The following KMT2A variants were observed in gnomAD, a reference collection of about 807,000 sequenced individuals.
KMT2A encodes histone-lysine N-methyltransferase 2A.
KMT2A carries 16 observed loss-of-function variants against 345.3 expected under a neutral mutation model. The observed-to-expected ratio is 0.05, with a 90% confidence interval of 0.03 to 0.07. The LOEUF is 0.07. Among genes scored for constraint, KMT2A ranks in the 10% least tolerant of loss-of-function variants. The probability of loss-of-function intolerance (pLI) is 1.00; values close to 1 mark genes in which losing one functional copy is unlikely to be tolerated. For synonymous variants in KMT2A, 1,599 were observed against 1,778.6 expected, an observed-to-expected ratio of 0.90 and a Z score of 2.54; for missense variants, 3,272 against 4,841.6, an observed-to-expected ratio of 0.68 and a Z score of 9.62.
chr11:118,511,887 T>C, intron 30 of KMT2A, 64 bp from the exon 31 acceptor site: 5 of 1,214,674 alleles, frequency 4.1e-6, no homozygotes, highest in East Asian at 2.3e-5. Flanking sequence ...GTGCACATCA[T>C]TGGTATTAAG....
intron 1 of KMT2A, chr11:118,447,843 G>T: frequency 4.0e-6 from 1 of 250,560 alleles, no homozygotes; most frequent in Non-Finnish European, 8.2e-6. Context: ...AGAGAAAATA[G>T]GTTTAAACCG....
Position 118,502,270 on chromosome 11 carries a change from T to C in KMT2A, c.6506-128T>C, listed in dbSNP as rs1385816591. ...ACTGTCTCAAAAAAGTAATAATAAATAAATAGAAAATGTAGATTTCCAGTT... is the reference window on the plus strand; with the variant it reads ...ACTGTCTCAAAAAAGTAATAATAAACAAATAGAAAATGTAGATTTCCAGTT... On this transcript the variant is annotated intron_variant, in intron 26 of 35. Coordinates refer to ENST00000534358, the MANE Select transcript of KMT2A (RefSeq NM_001197104.2). This position sits in a 1 kb window ranked among gnomAD's most constrained non-coding sequence, Gnocchi z 4.9. The C allele has an allele frequency of 3.5e-6, 2 of 575,954 alleles. No homozygotes were observed. Among genetic ancestry groups the C allele is most frequent in the Non-Finnish European group, 5.5e-6 (2 of 365,542 alleles). 35.7% of individuals were successfully genotyped at this position (575,954 alleles called of 1,614,324 possible). A position where few individuals can be genotyped will look rare whatever the true frequency, so the allele number is the denominator to read the frequency against.
intron 10 of KMT2A, among the ~76,000 whole-genome samples, chr11:118,486,854 C>G (rs934655320): frequency 6.6e-6 from 1 of 152,116 alleles, no homozygotes; most frequent in African/African-American, 2.4e-5. Context: ...CGCCACTGCA[C>G]TCCAGCCTGG....
At chr11:118,459,998 T>C (rs1009512575) in intron 1 of KMT2A, among the ~76,000 whole-genome samples, 2 of 151,982 alleles carry the variant, frequency 1.3e-5, no homozygotes, top group Non-Finnish European at 2.9e-5. Flanking sequence ...TCAGGCCCAA[T>C]TGGGAAGAAT....
chr11:118,516,790 A>C (rs1950824811), intron 31 of KMT2A, among the ~76,000 whole-genome samples: 1 of 152,112 alleles, frequency 6.6e-6, no homozygotes, highest in Admixed American at 6.6e-5. Context: ...ATTATACCTT[A>C]ATTTGGACAC....
Position 118,436,730 on chromosome 11 carries a change from G to A in KMT2A, c.218G>A (p.Gly73Glu), listed in dbSNP as rs782233787. 1.3e-4 allele frequency: 204 copies of A among 1,528,936 alleles called. No homozygotes were observed. The East Asian group carries it at 5.2e-3, about 39-fold the overall frequency. The allele number at this position is 1,528,936 out of a possible 1,614,324, so 94.7% of individuals were successfully genotyped here. A position where few individuals can be genotyped will look rare whatever the true frequency, so the allele number is the denominator to read the frequency against. The stretch of plus-strand genomic sequence containing the variant: ...GCGGCGGCGGGAAGCAGCGGGGCTG[G>A]GGTTCCAGGGGGAGCGGCCGCCGCC... ...AAAAAGSSGA[G>E]VPGGAAAASA... is the part of the protein sequence containing the mutation. The change falls in exon 1 of 36, where the codon GGG (glycine) becomes GAG (glutamate). Residue 73 changes from glycine to glutamate, a missense_variant. Physicochemically the swap from Gly to Glu is moderately conservative, Grantham distance 98. Around this residue, in one of 27 missense-constraint regions of KMT2A, gnomAD observed 412 missense variants for 511.0 expected, o/e 0.81. Transcript: ENST00000534358. The surrounding 1 kb of genome is among the most constrained non-coding windows in gnomAD (Gnocchi z 6.9).
In KMT2A at chr11:118,503,628, A is replaced by G. The variant is rs147223140; in HGVS notation, c.7736A>G (p.Asn2579Ser). The G allele has an allele frequency of 1.9e-6, 3 of 1,614,226 alleles. No homozygotes were observed. The highest frequency in any genetic ancestry group is 2.2e-5 in the East Asian group (1 of 44,886). The change falls in exon 27 of 36, where the codon AAT becomes AGT. Residue 2579 changes from asparagine to serine, a missense_variant. This residue lies in a region of KMT2A where 445 missense variants were observed against 500.9 expected (regional missense o/e 0.89). Coordinates refer to ENST00000534358, the MANE Select transcript of KMT2A (RefSeq NM_001197104.2). This position sits in a 1 kb window ranked among gnomAD's most constrained non-coding sequence, Gnocchi z 5.3. The stretch of plus-strand genomic sequence containing the variant: ...GGTCCAGTGGCCCAACCAAGCCCCA[A>G]TAATACCTCATGCCAGGATTCTCAA... ...GDGPVAQPSP[N>S]NTSCQDSQSN... is the part of the protein sequence containing the mutation.
chr11:118,437,752 C>A (rs1372122022), intron 1 of KMT2A, among the ~76,000 whole-genome samples: 1 of 152,024 alleles, frequency 6.6e-6, no homozygotes, highest in Non-Finnish European at 1.5e-5. Context: ...TTCACTCCAC[C>A]CTTTCCCTCC....
rs949534642 is a variant in KMT2A, at chr11:118,472,761, G to T, written c.1602G>T (p.Ser534=). ...NDRRSRRYSV[S]ERSFGSRTTK... The stretch of plus-strand genomic sequence containing the variant: ...GGAGAAGCAGAAGGTATTCAGTGTC[G>T]GAGAGAAGTTTTGGATCTAGAACGA... The change falls in exon 3 of 36, where the codon TCG becomes TCT. Residue 534 remains serine, a synonymous_variant. Coordinates refer to ENST00000534358, the MANE Select transcript of KMT2A (RefSeq NM_001197104.2). 1 of 1,613,388 alleles carries T rather than the reference G, an allele frequency of 6.2e-7. No homozygotes were observed.
intron 5 of KMT2A, among the ~76,000 whole-genome samples, chr11:118,479,186 C>G (rs1555038556): frequency 6.6e-6 from 1 of 152,076 alleles, no homozygotes; most frequent in Non-Finnish European, 1.5e-5. Context: ...AATGCTAAGT[C>G]TTATTCATTC....
chr11:118,455,198 T>A (rs1555030424), intron 1 of KMT2A, among the ~76,000 whole-genome samples: 1 of 152,058 alleles, frequency 6.6e-6, no homozygotes. Context: ...GCCCCTAGTG[T>A]CTTTTATTTA....
chr11:118,514,497 G>A (rs1950764210), intron 31 of KMT2A, among the ~76,000 whole-genome samples: 1 of 150,900 alleles, frequency 6.6e-6, no homozygotes, highest in Non-Finnish European at 1.5e-5. Flanking sequence ...CTGGAGTGCA[G>A]TGGCGTGATC....
At chr11:118,500,223 A>T (rs1565300303) in intron 24 of KMT2A, among the ~76,000 whole-genome samples, 1 of 152,218 alleles carries the variant, frequency 6.6e-6, no homozygotes, top group African/African-American at 2.4e-5. Context: ...AGAAGTGCAG[A>T]TTGTTTTTAT....
Position 118,506,145 on chromosome 11 carries a change from C to G in KMT2A, c.10253C>G (p.Pro3418Arg), listed in dbSNP as rs781804532. Residue 3418 changes from proline (P) to arginine (R), a missense_variant, in exon 27 of 36, where the codon CCC becomes CGC. This residue lies in a region of KMT2A where 748 missense variants were observed against 922.2 expected (regional missense o/e 0.81). Transcript: ENST00000534358. ...CCACAACTGGGGACATCACAGACCC[C>G]CTCTACTGCTGCAATAACAGCGGCA... The part of the protein sequence containing the change: ...MFPQLGTSQT[P>R]STAAITAASS... 6.2e-7 allele frequency: 1 copy of G among 1,614,194 alleles called. No homozygotes were observed.
intron 8 of KMT2A, 31 bp downstream of exon 8, chr11:118,482,526 T>C (rs367630393): frequency 1.4e-5 from 21 of 1,462,456 alleles, no homozygotes; most frequent in Non-Finnish European, 2.0e-5. Flanking sequence ...CTGCCATTTC[T>C]CAGGGATGTA....
intron 1 of KMT2A, among the ~76,000 whole-genome samples, chr11:118,444,496 G>A (rs1482755332): frequency 6.6e-6 from 1 of 152,160 alleles, no homozygotes; most frequent in Non-Finnish European, 1.5e-5. Context: ...GTAATTAAGA[G>A]TTGTTAAGAC....
chr11:118,473,688 T>C lies in KMT2A; in HGVS notation c.2529T>C (p.Ser843=), dbSNP rs781784357. Residue 843 remains serine (S), a synonymous_variant, in exon 3 of 36, where the codon TCT becomes TCC. Coordinates refer to ENST00000534358, the MANE Select transcript of KMT2A (RefSeq NM_001197104.2). The surrounding 1 kb of genome is among the most constrained non-coding windows in gnomAD (Gnocchi z 5.2). ...TPLFPWFTPG[S]QTERGRNKDK... ...TCTTCCCTTGGTTTACCCCAGGCTC[T>C]CAGACTGAAAGAGGGAGAAATAAAG... is the stretch of plus-strand genomic sequence containing the variant. 9 of 1,614,068 alleles carry C rather than the reference T, an allele frequency of 5.6e-6. No homozygotes were observed. The highest frequency in any genetic ancestry group is 7.6e-6 in the Non-Finnish European group (9 of 1,180,024).
At chr11:118,440,986 T>G (rs1169443967) in intron 1 of KMT2A, among the ~76,000 whole-genome samples, 1 of 152,096 alleles carries the variant, frequency 6.6e-6, no homozygotes, top group Non-Finnish European at 1.5e-5. Context: ...TATGAGACCC[T>G]GGGCAAATTC....
intron 1 of KMT2A, among the ~76,000 whole-genome samples, chr11:118,455,330 T>TA (rs1949621533): frequency 6.6e-6 from 1 of 152,236 alleles, no homozygotes; most frequent in Non-Finnish European, 1.5e-5. Flanking sequence ...AATAAATACT[T>TA]ATTGAATGAT....
Sources: gnomAD v4.1 joint callset for allele counts (sites outside exome capture counted in the v4.1 genomes callset) on GRCh38, gnomAD v4.1.1 for gene constraint, gnomAD v4.1.1 regional missense constraint, Gnocchi (gnomAD v3.1) non-coding constraint, MANE v1.5 for transcripts, NCBI Gene and HGNC (gene_info 2026-07-23, HGNC 2026-07-21) for gene names.